ANXA4: variants seen among roughly 807,000 people sequenced by gnomAD.
ANXA4 encodes annexin A4, also known as 35-beta calcimedin.
ANXA4 carries 39 observed loss-of-function variants against 49.8 expected under a neutral mutation model. The ratio of observed to expected loss-of-function variants is 0.78; its 90% CI spans 0.61 to 1.02. The LOEUF (loss-of-function observed/expected upper bound fraction) is 1.02, where lower values mean the gene tolerates loss of function less well. ANXA4 is among the 50% of genes least tolerant of loss of function. ANXA4 has a pLI of 0.00. For missense variants in ANXA4, 360 were observed against 410.1 expected, an observed-to-expected ratio of 0.88 and a Z score of 1.05; for synonymous variants, 134 against 152.5, an observed-to-expected ratio of 0.88 and a Z score of 0.89.
At chr2:69,718,715 GCA>G (rs201233908) in intron 2 of ANXA4, among the ~76,000 whole-genome samples, 1,535 of 151,832 alleles carry the variant, frequency 0.01, 20 homozygotes, top group African/African-American at 0.032. Flanking sequence ...GCGCACACAT[GCA>G]CACACATGCA....
chr2:69,651,344 C>A (rs1181320450), intron 1 of ANXA4, among the ~76,000 whole-genome samples: 1 of 152,152 alleles, frequency 6.6e-6, no homozygotes, highest in Admixed American at 6.5e-5. Flanking sequence ...GCACTCCACC[C>A]TAGGGGACAG....
intron 2 of ANXA4, among the ~76,000 whole-genome samples, chr2:69,692,922 T>C (rs926066795): frequency 1.7e-4 from 26 of 152,190 alleles, no homozygotes; most frequent in African/African-American, 6.3e-4. Context: ...ATTTATTTTA[T>C]TGTACTCTAA....
Position 69,819,289 on chromosome 2 carries a change from T to C in ANXA4, c.734T>C (p.Met245Thr), listed in dbSNP as rs767329966. ...EDALLAIVKC[M>T]RNKSAYFAEK... ...TTTTTTTCTTTGACAGTAAAGTGCA[T>C]GAGGAACAAATCTGCATATTTTGCT... is the stretch of plus-strand genomic sequence containing the variant. The change falls in exon 11 of 13, where the codon ATG becomes ACG. Residue 245 changes from methionine (M) to threonine (T), a missense_variant. Met to Thr is a moderately conservative substitution (Grantham distance 81). Transcript: ENST00000394295. 6.8e-6 allele frequency: 11 copies of C among 1,606,226 alleles called. No individual in the cohort carries two copies. The South Asian group carries it at 1.0e-4, about 15-fold the overall frequency.
At chr2:69,777,712 TCCAGCTA>T (rs1559179293) in intron 1 of ANXA4, among the ~76,000 whole-genome samples, 2 of 152,222 alleles carry the variant, frequency 1.3e-5, no homozygotes, top group African/African-American at 2.4e-5. Context: ...CACTGACTGC[TCCAGCTA>T]CCTGAAAGAG....
chr2:69,718,537 T>C (rs561851034), intron 2 of ANXA4, among the ~76,000 whole-genome samples: 1 of 152,332 alleles, frequency 6.6e-6, no homozygotes, highest in South Asian at 2.1e-4. Context: ...TTCAGACTTG[T>C]GGAATTACTT....
At chr2:69,784,937 C>A (rs1447977837) in intron 2 of ANXA4, among the ~76,000 whole-genome samples, 1 of 152,236 alleles carries the variant, frequency 6.6e-6, no homozygotes, top group Non-Finnish European at 1.5e-5. Context: ...GCCCACCCTA[C>A]ACCAGTATCA....
intron 2 of ANXA4, among the ~76,000 whole-genome samples, chr2:69,702,038 G>T (rs1035075984): frequency 7.9e-5 from 12 of 151,822 alleles, no homozygotes; most frequent in Non-Finnish European, 1.3e-4. Flanking sequence ...TTGAGACAGG[G>T]TATCACTCTG....
intron 1 of ANXA4, among the ~76,000 whole-genome samples, chr2:69,652,784 A>G (rs977480813): frequency 1.3e-5 from 2 of 152,146 alleles, no homozygotes; most frequent in Non-Finnish European, 2.9e-5. Context: ...AGTTGAACCC[A>G]GGATGCGGAG....
At chr2:69,770,333 TG>T (rs903977066) in intron 1 of ANXA4, among the ~76,000 whole-genome samples, 1 of 152,246 alleles carries the variant, frequency 6.6e-6, no homozygotes, top group Non-Finnish European at 1.5e-5. Flanking sequence ...CTTTAGTGTT[TG>T]GGTGGGGCCC....
chr2:69,672,383 C>T (rs1005344310), intron 2 of ANXA4, among the ~76,000 whole-genome samples: 3 of 151,808 alleles, frequency 2.0e-5, no homozygotes, highest in African/African-American at 7.3e-5. Flanking sequence ...AGTTATGTGC[C>T]ACCACACCCA....
At chr2:69,723,255 CAAAG>C (rs542573225) in intron 3 of ANXA4, among the ~76,000 whole-genome samples, 54 of 146,950 alleles carry the variant, frequency 3.7e-4, no homozygotes, top group African/African-American at 1.3e-3. Context: ...AAATAGAAAA[CAAAG>C]AAACAATAAG....
intron 3 of ANXA4, among the ~76,000 whole-genome samples, chr2:69,721,367 G>A (rs542428448): frequency 2.0e-4 from 31 of 152,320 alleles, no homozygotes; most frequent in African/African-American, 7.2e-4. Context: ...CAAAGGCATT[G>A]GAAGGTTTCA....
At chr2:69,683,002 A>C (rs1321742292) in intron 2 of ANXA4, among the ~76,000 whole-genome samples, 1 of 152,238 alleles carries the variant, frequency 6.6e-6, no homozygotes, top group East Asian at 1.9e-4. Flanking sequence ...AACAGGAACA[A>C]AATTTTTCTA....
intron 2 of ANXA4, among the ~76,000 whole-genome samples, chr2:69,703,129 G>A (rs963346428): frequency 6.6e-5 from 10 of 152,028 alleles, no homozygotes; most frequent in Admixed American, 5.9e-4. Context: ...CTGCTGCCAT[G>A]AAACCCCTTT....
intron 1 of ANXA4, among the ~76,000 whole-genome samples, chr2:69,742,809 C>CG (rs1243619813): frequency 6.6e-6 from 1 of 152,122 alleles, no homozygotes; most frequent in African/African-American, 2.4e-5. Flanking sequence ...AAGTGACCCC[C>CG]GGGGCAATGC....
At chr2:69,653,796 A>G (rs7591795) in intron 2 of ANXA4, among the ~76,000 whole-genome samples, 40,134 of 152,148 alleles carry the variant, frequency 0.26, 5,441 homozygotes, top group East Asian at 0.39. Flanking sequence ...TGAAATTTAA[A>G]GTAGTTTTTT....
intron 1 of ANXA4, among the ~76,000 whole-genome samples, chr2:69,768,686 C>T (rs1671591199): frequency 6.6e-6 from 1 of 152,110 alleles, no homozygotes; most frequent in Non-Finnish European, 1.5e-5. Flanking sequence ...CCTGTAAGTC[C>T]CATGATAGAA....
chr2:69,770,415 A>G (rs1671659183), intron 1 of ANXA4, among the ~76,000 whole-genome samples: 1 of 152,238 alleles, frequency 6.6e-6, no homozygotes, highest in Non-Finnish European at 1.5e-5. Flanking sequence ...AAATGAAACC[A>G]TGTACCAAAG....
chr2:69,756,180 G>GT (rs1671031505), intron 1 of ANXA4, among the ~76,000 whole-genome samples: 1 of 152,204 alleles, frequency 6.6e-6, no homozygotes, highest in Non-Finnish European at 1.5e-5. Flanking sequence ...TAGGGTTGGT[G>GT]TAAGTTTGTA....
Sources: allele counts gnomAD v4.1 joint callset (sites outside exome capture counted in the v4.1 genomes callset), GRCh38; gene constraint gnomAD v4.1.1; transcripts MANE v1.5; gene names NCBI Gene and HGNC (gene_info 2026-07-23, HGNC 2026-07-21).